The following ATP11B variants were observed in gnomAD, a reference collection of about 807,000 sequenced individuals.
The protein encoded by ATP11B is phospholipid-transporting ATPase IF.
ATP11B carries 81 observed loss-of-function variants against 157.8 expected under a neutral mutation model. The observed-to-expected ratio is 0.51, with a 90% confidence interval of 0.43 to 0.62. The LOEUF is 0.62. Ranked by LOEUF, ATP11B falls within the 20% of genes least tolerant of loss-of-function variation. The probability of loss-of-function intolerance (pLI) is 0.00; values close to 1 mark genes in which losing one functional copy is unlikely to be tolerated. For synonymous variants in ATP11B, 451 were observed against 469.4 expected, an observed-to-expected ratio of 0.96 and a Z score of 0.51; for missense variants, 1,165 against 1,402.2, an observed-to-expected ratio of 0.83 and a Z score of 2.70.
chr3:182,904,048 G>C (rs1577106592), intron 28 of ATP11B, among the ~76,000 whole-genome samples: 2 of 152,194 alleles, frequency 1.3e-5, no homozygotes, highest in Non-Finnish European at 2.9e-5. Flanking sequence ...AAAGATCACA[G>C]TGAGAACAGG....
chr3:182,862,886 A>G (rs1720950317), intron 12 of ATP11B, among the ~76,000 whole-genome samples: 1 of 151,170 alleles, frequency 6.6e-6, no homozygotes, highest in South Asian at 2.1e-4. Context: ...TCAACCTGTC[A>G]TGTTTAACCA....
chr3:182,800,218 T>A (rs1715904158), intron 1 of ATP11B, among the ~76,000 whole-genome samples: 1 of 152,006 alleles, frequency 6.6e-6, no homozygotes, highest in African/African-American at 2.4e-5. Flanking sequence ...AAGTTAGAAA[T>A]TATATATATA....
At chr3:182,886,147 T>C (rs1391381799) in intron 23 of ATP11B, 137 bp downstream of exon 23, 2 of 483,216 alleles carry the variant, frequency 4.1e-6, no homozygotes, top group Non-Finnish European at 7.3e-6. Context: ...CTTTTCTGTT[T>C]AGTATATTTA....
At chr3:182,913,779 A>G in intron 28 of ATP11B, 82 bp from the exon 29 acceptor site, 1 of 1,601,956 alleles carries the variant, frequency 6.2e-7, no homozygotes, top group Non-Finnish European at 8.5e-7. Context: ...CTTTGATTTG[A>G]AAGTGCTTGT....
At chr3:182,802,959 C>T (rs1404988617) in intron 1 of ATP11B, among the ~76,000 whole-genome samples, 1 of 152,154 alleles carries the variant, frequency 6.6e-6, no homozygotes, top group East Asian at 1.9e-4. Flanking sequence ...TTTGGAACTA[C>T]CAAAATGAAG....
chr3:182,844,767 TTTA>T (rs1409455337), intron 8 of ATP11B: 1 of 161,920 alleles, frequency 6.2e-6, no homozygotes, highest in Non-Finnish European at 1.3e-5. Flanking sequence ...TTCAAAGCTG[TTTA>T]TTAACTTTGC....
At chr3:182,871,976 C>T (rs639889) in intron 17 of ATP11B, among the ~76,000 whole-genome samples, 78,099 of 151,954 alleles carry the variant, frequency 0.51, 22,816 homozygotes, top group Non-Finnish European at 0.66. Context: ...CCACTATGCC[C>T]GCCCAATTTT....
At position 182,919,864 on chromosome 3, in the gene ATP11B, G is replaced by C. The variant is rs1323620722; in HGVS notation, c.*1760G>C. ...CCTTCTTTAACTTAGATATTTCATA[G>C]CTGGATTTAGGAAGATCTGTTATTC... is the stretch of plus-strand genomic sequence containing the variant. On this transcript the variant is annotated 3_prime_UTR_variant, in exon 30 of 30. Coordinates refer to ENST00000323116, the MANE Select transcript of ATP11B (RefSeq NM_014616.3). 6.6e-6 allele frequency: 1 copy of C among 152,126 alleles called. No homozygotes were observed. Among genetic ancestry groups the C allele is most frequent in the East Asian group, 1.9e-4 (1 of 5,204 alleles). The allele number at this position is 152,126 out of a possible 1,614,324, so 9.4% of individuals were successfully genotyped here.
rs1174954797 is a variant in ATP11B at position 182,837,088 on chromosome 3, A to G, written c.570A>G (p.Pro190=). The change falls in exon 7 of 30, where the codon CCA becomes CCG. Residue 190 remains proline (P), a synonymous_variant. Transcript: ENST00000323116. ...ETNLKTHVAV[P]ETALLQTVAN... is the part of the protein sequence containing the mutation. ...TTTTTCAGACACATGTGGCAGTTCCAGAAACAGCATTATTACAAACAGTTG... is the reference window on the plus strand; with the variant it reads ...TTTTTCAGACACATGTGGCAGTTCCGGAAACAGCATTATTACAAACAGTTG... The G allele has an allele frequency of 1.9e-6, 3 of 1,612,984 alleles. No individual in the cohort carries two copies. Among genetic ancestry groups the G allele is most frequent in the Non-Finnish European group, 2.5e-6 (3 of 1,179,360 alleles).
intron 28 of ATP11B, among the ~76,000 whole-genome samples, chr3:182,899,379 C>G (rs113155017): frequency 0.12 from 18,280 of 151,882 alleles, 1,238 homozygotes; most frequent in African/African-American, 0.18. Flanking sequence ...TCTCGATCCC[C>G]TGACCTCATG....
At chr3:182,917,692 T>G in intron 29 of ATP11B, 2 of 985,376 alleles carry the variant, frequency 2.0e-6, no homozygotes, top group South Asian at 9.4e-5. Context: ...TAAAACAATG[T>G]GCATAACTCT....
chr3:182,793,571 C>T lies in ATP11B; in HGVS notation c.-189C>T, dbSNP rs866404331. 2 of 370,832 alleles carry T rather than the reference C, an allele frequency of 5.4e-6. No individual in the cohort carries two copies. Among genetic ancestry groups the T allele is most frequent in the African/African-American group, 4.3e-5 (2 of 47,004 alleles). 23.0% of individuals were successfully genotyped at this position (370,832 alleles called of 1,614,324 possible). On this transcript the variant is annotated 5_prime_UTR_variant, in exon 1 of 30. Coordinates refer to ENST00000323116, the MANE Select transcript of ATP11B (RefSeq NM_014616.3). Reference sequence around the variant, plus strand: ...CCGGGCGGGGGCGGCGCCGGGGCCGCGCCTGTAGGACTCGGGGCCGACGCC... The same window carrying T: ...CCGGGCGGGGGCGGCGCCGGGGCCGTGCCTGTAGGACTCGGGGCCGACGCC...
intron 1 of ATP11B, among the ~76,000 whole-genome samples, chr3:182,807,727 A>C (rs1381779800): frequency 1.3e-5 from 2 of 152,200 alleles, no homozygotes; most frequent in African/African-American, 4.8e-5. Context: ...TAGGAAAATA[A>C]GTGAGTCATC....
Position 182,919,048 on chromosome 3 carries a change from T to C in ATP11B, c.*944T>C, listed in dbSNP as rs1188995175. 6.6e-6 allele frequency: 1 copy of C among 152,160 alleles called. No homozygotes were observed. 9.4% of individuals were successfully genotyped at this position (152,160 alleles called of 1,614,324 possible). ...CAGTTTAACTATATCAATAAAAAGTTTGGACAGTATTTAAATATTGCAAAT... is the reference window on the plus strand; with the variant it reads ...CAGTTTAACTATATCAATAAAAAGTCTGGACAGTATTTAAATATTGCAAAT... On this transcript the variant is annotated 3_prime_UTR_variant, in exon 30 of 30. Transcript: ENST00000323116.
chr3:182,911,271 G>GCCCCCCC (rs4063413), intron 28 of ATP11B, among the ~76,000 whole-genome samples: 3 of 76,602 alleles, frequency 3.9e-5, no homozygotes, highest in African/African-American at 2.5e-4. Flanking sequence ...CTATTGAAAT[G>GCCCCCCC]CCCCCCCCCG....
chr3:182,826,285 CT>C (rs1717717020), intron 2 of ATP11B, among the ~76,000 whole-genome samples: 1 of 152,186 alleles, frequency 6.6e-6, no homozygotes, highest in Non-Finnish European at 1.5e-5. Context: ...TATTATTGAA[CT>C]AGCCAAAGAA....
chr3:182,899,785 A>T (rs1723824068), intron 28 of ATP11B, among the ~76,000 whole-genome samples: 1 of 152,208 alleles, frequency 6.6e-6, no homozygotes, highest in Non-Finnish European at 1.5e-5. Context: ...AATACTTAGT[A>T]GGTGCTCAAG....
chr3:182,892,287 G>A (rs1023057626), intron 25 of ATP11B, among the ~76,000 whole-genome samples: 1 of 152,174 alleles, frequency 6.6e-6, no homozygotes, highest in Non-Finnish European at 1.5e-5. Context: ...GTGTCCCTGT[G>A]CTAAAAATCC....
Position 182,918,047 on chromosome 3 carries a change from C to G in ATP11B, c.3477C>G (p.Phe1159Leu). The G allele has an allele frequency of 6.2e-7, 1 of 1,613,454 alleles. No homozygotes were observed. The highest frequency in any genetic ancestry group is 8.5e-7 in the Non-Finnish European group (1 of 1,179,562). ...GATCATGGAGTGCATCGGATCCTTT[C>G]TATACCAACGACAGGAGCATCTTGA... ...ISRSWSASDP[F>L]YTNDRSILTL... Residue 1159 changes from phenylalanine (F) to leucine (L), a missense_variant, in exon 30 of 30, where the codon TTC (phenylalanine) becomes TTG (leucine). Coordinates refer to ENST00000323116, the MANE Select transcript of ATP11B (RefSeq NM_014616.3).
Sources: gnomAD v4.1 joint callset for allele counts (sites outside exome capture counted in the v4.1 genomes callset) on GRCh38, gnomAD v4.1.1 for gene constraint, MANE v1.5 for transcripts, NCBI Gene and HGNC (gene_info 2026-07-23, HGNC 2026-07-21) for gene names.